NCAM2: variants seen among roughly 807,000 people sequenced by gnomAD.
NCAM2 encodes N-CAM-2.
Under a neutral mutation model 98.1 loss-of-function variants are expected in NCAM2, and 30 were observed. The ratio of observed to expected loss-of-function variants is 0.31; its 90% CI spans 0.23 to 0.41. NCAM2 has a LOEUF of 0.41. Ranked by LOEUF, NCAM2 falls within the 10% of genes least tolerant of loss-of-function variation. The probability of loss-of-function intolerance (pLI) is 1.00; values close to 1 mark genes in which losing one functional copy is unlikely to be tolerated. For missense variants in NCAM2, 867 were observed against 1,005.8 expected, an observed-to-expected ratio of 0.86 and a Z score of 1.87; for synonymous variants, 368 against 342.4, an observed-to-expected ratio of 1.07 and a Z score of -0.83.
intron 1 of NCAM2, among the ~76,000 whole-genome samples, chr21:21,216,221 G>A (rs2069893411): frequency 6.6e-6 from 1 of 152,086 alleles, no homozygotes; most frequent in Non-Finnish European, 1.5e-5. Flanking sequence ...TTAATTAGCT[G>A]GCACGAGGAG....
intron 1 of NCAM2, among the ~76,000 whole-genome samples, chr21:21,164,276 C>A (rs1212995154): frequency 2.6e-5 from 4 of 152,100 alleles, no homozygotes; most frequent in Non-Finnish European, 5.9e-5. Context: ...TGAAAAATAT[C>A]TTGAAAATAG....
intron 11 of NCAM2, among the ~76,000 whole-genome samples, chr21:21,419,667 A>G (rs1176674578): frequency 2.0e-5 from 3 of 151,722 alleles, no homozygotes; most frequent in African/African-American, 7.3e-5. Context: ...AGTTTCATCC[A>G]TGTCCCTACA....
chr21:21,252,084 C>G (rs1410310751), intron 1 of NCAM2, among the ~76,000 whole-genome samples: 1 of 151,604 alleles, frequency 6.6e-6, no homozygotes, highest in Non-Finnish European at 1.5e-5. Context: ...ATGTGGCCAA[C>G]AAGCATGGAA....
intron 15 of NCAM2, among the ~76,000 whole-genome samples, chr21:21,489,234 A>T (rs1986649467): frequency 1.3e-5 from 2 of 152,042 alleles, no homozygotes; most frequent in Admixed American, 1.3e-4. Context: ...AACCCAATTG[A>T]TCCTCCTGCT....
intron 1 of NCAM2, among the ~76,000 whole-genome samples, chr21:21,010,055 A>G (rs540466695): frequency 3.3e-5 from 5 of 152,114 alleles, no homozygotes; most frequent in Middle Eastern, 3.4e-3. Flanking sequence ...TTTATCTATT[A>G]ATGTTACCAT....
rs1169457406 is a variant in NCAM2, at chr21:21,378,221, A to G, written c.1195+4208A>G. ...TATAAACCCAGACAAAGGATTCCTG[A>G]ATTATAAGGTGGCTCTCATTTTCTT... On this transcript the variant is annotated intron_variant, in intron 9 of 17. Transcript: ENST00000400546. 2.6e-5 allele frequency among the ~76,000 whole-genome samples: 4 copies of G among 151,756 alleles called. No individual in the cohort carries two copies. In the Admixed American group the frequency reaches 2.6e-4, roughly 10 times the overall value.
intron 1 of NCAM2, among the ~76,000 whole-genome samples, chr21:21,253,589 A>C (rs1475616098): frequency 6.6e-6 from 1 of 152,188 alleles, no homozygotes; most frequent in Non-Finnish European, 1.5e-5. Context: ...GGAATACCTG[A>C]ATCTTTGACT....
At chr21:21,424,679 C>A (rs1301483294) in intron 11 of NCAM2, among the ~76,000 whole-genome samples, 1 of 151,930 alleles carries the variant, frequency 6.6e-6, no homozygotes, top group East Asian at 1.9e-4. Context: ...TATGAGAAGA[C>A]CAGTGTTGGT....
intron 16 of NCAM2, among the ~76,000 whole-genome samples, chr21:21,522,007 C>T (rs990695855): frequency 4.1e-5 from 6 of 148,104 alleles, no homozygotes; most frequent in African/African-American, 1.5e-4. Flanking sequence ...GTGTATATAT[C>T]AATATATAAA....
intron 1 of NCAM2, among the ~76,000 whole-genome samples, chr21:21,102,196 G>C (rs1742027083): frequency 6.6e-6 from 1 of 152,026 alleles, no homozygotes; most frequent in African/African-American, 2.4e-5. Flanking sequence ...GTAGGTTACT[G>C]CGTCATAGCC....
At chr21:21,103,390 C>T (rs1311942499) in intron 1 of NCAM2, among the ~76,000 whole-genome samples, 1 of 151,820 alleles carries the variant, frequency 6.6e-6, no homozygotes, top group Non-Finnish European at 1.5e-5. Flanking sequence ...CAAACAAACA[C>T]TGAAAAAATA....
chr21:21,145,530 G>C (rs2826708), intron 1 of NCAM2, among the ~76,000 whole-genome samples: 64,152 of 151,924 alleles, frequency 0.42, 13,863 homozygotes, highest in African/African-American at 0.51. Flanking sequence ...AGATAAATAG[G>C]CATACTTTTT....
chr21:21,139,840 T>C (rs1319860916), intron 1 of NCAM2, among the ~76,000 whole-genome samples: 1 of 152,136 alleles, frequency 6.6e-6, no homozygotes, highest in Non-Finnish European at 1.5e-5. Context: ...TAAACTCAAT[T>C]CCTTAATTAT....
At chr21:21,401,769 T>A (rs1049102737) in intron 9 of NCAM2, among the ~76,000 whole-genome samples, 2 of 152,182 alleles carry the variant, frequency 1.3e-5, no homozygotes, top group Non-Finnish European at 2.9e-5. Flanking sequence ...AGTATGGATA[T>A]CTTTTCTACA....
intron 1 of NCAM2, among the ~76,000 whole-genome samples, chr21:21,167,541 T>G (rs2067990850): frequency 6.6e-6 from 1 of 152,020 alleles, no homozygotes; most frequent in African/African-American, 2.4e-5. Context: ...TTAATAAGAT[T>G]AGATAAGAGT....
At chr21:21,292,080 T>G in intron 4 of NCAM2, 24 bp from the exon 5 acceptor site, 1 of 1,598,030 alleles carries the variant, frequency 6.3e-7, no homozygotes, top group Non-Finnish European at 8.5e-7. Context: ...TGATACCATT[T>G]TCTCCCCTTT....
chr21:21,399,522 G>A (rs2076583880), intron 9 of NCAM2, among the ~76,000 whole-genome samples: 6 of 152,190 alleles, frequency 3.9e-5, no homozygotes, highest in Admixed American at 3.9e-4. Context: ...TCATAATACA[G>A]TTTTACAAGG....
At chr21:21,320,047 C>A (rs991300295) in intron 5 of NCAM2, among the ~76,000 whole-genome samples, 3 of 152,132 alleles carry the variant, frequency 2.0e-5, no homozygotes, top group Non-Finnish European at 4.4e-5. Context: ...TATATAAAGC[C>A]TTTACTGTGT....
intron 17 of NCAM2, among the ~76,000 whole-genome samples, chr21:21,536,475 T>C (rs534433108): frequency 7.3e-5 from 11 of 150,598 alleles, no homozygotes; most frequent in Middle Eastern, 3.4e-3. Flanking sequence ...CACCTCAACC[T>C]CCGCCTCCCA....
Sources: gnomAD v4.1 joint callset for allele counts (sites outside exome capture counted in the v4.1 genomes callset) on GRCh38, gnomAD v4.1.1 for gene constraint, MANE v1.5 for transcripts, NCBI Gene and HGNC (gene_info 2026-07-23, HGNC 2026-07-21) for gene names.